Variants in BICD2 observed in about 807,000 individuals in gnomAD.
BICD2 encodes BICD cargo adaptor 2.
BICD2 carries 25 observed loss-of-function variants against 72.9 expected under a neutral mutation model. That is an observed-to-expected ratio of 0.34 (90% CI 0.25 to 0.48). The LOEUF (loss-of-function observed/expected upper bound fraction) is 0.48. Among genes scored for constraint, BICD2 ranks in the 20% least tolerant of loss-of-function variants. BICD2 has a pLI of 0.99. For synonymous variants in BICD2, 501 were observed against 516.1 expected, an observed-to-expected ratio of 0.97 and a Z score of 0.40; for missense variants, 894 against 1,175.2, an observed-to-expected ratio of 0.76 and a Z score of 3.50.
chr9:92,728,770 G>A (rs1200974370), intron 2 of BICD2, among the ~76,000 whole-genome samples: 1 of 152,248 alleles, frequency 6.6e-6, no homozygotes, highest in East Asian at 1.9e-4. Flanking sequence ...ACTTGCTCAT[G>A]GGACTCGCTT....
At chr9:92,762,227 C>T (rs571773214) in intron 1 of BICD2, among the ~76,000 whole-genome samples, 1 of 150,054 alleles carries the variant, frequency 6.7e-6, no homozygotes, top group Non-Finnish European at 1.5e-5. Context: ...CTCCTTAAAT[C>T]TTGTGGTTTT....
At position 92,714,408 on chromosome 9, in the gene BICD2, C is replaced by G; in HGVS notation, c.*746G>C. 1 of 985,518 alleles carries G rather than the reference C, an allele frequency of 1.0e-6. No homozygotes were observed. 61.0% of individuals were successfully genotyped at this position (985,518 alleles called of 1,614,324 possible). A position where few individuals can be genotyped will look rare whatever the true frequency, so the allele number is the denominator to read the frequency against. On this transcript the variant is annotated 3_prime_UTR_variant, in exon 7 of 7. Coordinates refer to ENST00000356884, the MANE Select transcript of BICD2 (RefSeq NM_001003800.2). ...AGCTTTTCTCATGAAAAATGAAAAC[C>G]TGGGGCCTTGGGCCCTGCCAATCTG...
intron 1 of BICD2, among the ~76,000 whole-genome samples, chr9:92,730,471 G>T (rs569895500): frequency 6.6e-6 from 1 of 152,138 alleles, no homozygotes; most frequent in Non-Finnish European, 1.5e-5. Context: ...AACTCATTTC[G>T]TCCCAACAGG....
At chr9:92,754,087 G>C (rs999941965) in intron 1 of BICD2, among the ~76,000 whole-genome samples, 1 of 151,202 alleles carries the variant, frequency 6.6e-6, no homozygotes, top group African/African-American at 2.4e-5. Flanking sequence ...GGAGCTTGCA[G>C]TAAGCCAAGA....
At position 92,759,125 on chromosome 9, in the gene BICD2, C is replaced by T. The variant is rs145808836; in HGVS notation, c.240+5380G>A. ...AAGTACCACAGAACCTCTGGATCCACAGAAACCTTCCTGTCTTTATCTACT... is the reference window on the plus strand; with the variant it reads ...AAGTACCACAGAACCTCTGGATCCATAGAAACCTTCCTGTCTTTATCTACT... On this transcript the variant is annotated intron_variant, in intron 1 of 6. Transcript: ENST00000356884. Among the ~76,000 whole-genome samples, 132 of 152,334 alleles carry T rather than the reference C, an allele frequency of 8.7e-4. 1 individual carries two copies. The highest frequency in any genetic ancestry group is 3.0e-3 in the African/African-American group (123 of 41,570).
intron 1 of BICD2, among the ~76,000 whole-genome samples, chr9:92,729,564 C>T (rs577295960): frequency 5.3e-5 from 8 of 152,332 alleles, no homozygotes; most frequent in Non-Finnish European, 8.8e-5. Flanking sequence ...AGCTGGGGGC[C>T]GGCAGAGGGA....
At chr9:92,735,828 C>G (rs1382716823) in intron 1 of BICD2, among the ~76,000 whole-genome samples, 1 of 152,186 alleles carries the variant, frequency 6.6e-6, no homozygotes, top group Non-Finnish European at 1.5e-5. Context: ...CACTCAGGCC[C>G]TAAGTCTCAT....
chr9:92,729,236 C>G lies in BICD2; in HGVS notation c.241G>C (p.Ala81Pro). 1.2e-6 allele frequency: 2 copies of G among 1,614,006 alleles called. No homozygotes were observed. Among genetic ancestry groups the G allele is most frequent in the Non-Finnish European group, 1.7e-6 (2 of 1,179,992 alleles). Reference protein sequence around the residue: ...IRSEMEQLKEAFGQAHTNHKK... With the variant: ...IRSEMEQLKEPFGQAHTNHKK... ...TGGTTTGTGTGTGCTTGTCCAAAGGCCTGCATCAGAAGACAAGACACTCGT... is the reference window on the plus strand; with the variant it reads ...TGGTTTGTGTGTGCTTGTCCAAAGGGCTGCATCAGAAGACAAGACACTCGT... The change falls in exon 2 of 7, where the codon GCC (alanine) becomes CCC (proline). Residue 81 changes from alanine (A) to proline (P), a missense_variant and splice_region_variant. By Grantham distance (27) the Ala-to-Pro change is conservative. This residue lies in a region of BICD2 where 192 missense variants were observed against 243.6 expected (regional missense o/e 0.79). Coordinates refer to ENST00000356884, the MANE Select transcript of BICD2 (RefSeq NM_001003800.2).
At chr9:92,721,792 T>G (rs1037512291) in intron 3 of BICD2, among the ~76,000 whole-genome samples, 3 of 152,238 alleles carry the variant, frequency 2.0e-5, no homozygotes, top group African/African-American at 7.2e-5. Flanking sequence ...TGCGCTGGGC[T>G]CTGCCAACAG....
At position 92,713,390 on chromosome 9, in the gene BICD2, C is replaced by T. The variant is rs1853231249; in HGVS notation, c.*1764G>A. The T allele has an allele frequency of 2.0e-5, 30 of 1,530,382 alleles. No individual in the cohort carries two copies. In the South Asian group the frequency reaches 2.2e-4, roughly 11 times the overall value. The allele number at this position is 1,530,382 out of a possible 1,614,324, so 94.8% of individuals were successfully genotyped here. On this transcript the variant is annotated 3_prime_UTR_variant, in exon 7 of 7. Coordinates refer to ENST00000356884, the MANE Select transcript of BICD2 (RefSeq NM_001003800.2). ...GCCCTTCCTTCCTCCTTGTGGGCCA[C>T]GAGAGGGAAGGGGAAGGGGCTGCAG...
Position 92,720,265 on chromosome 9 carries a change from G to C in BICD2, c.1062+35C>G. On this transcript the variant is annotated intron_variant, in intron 4 of 6. Transcript: ENST00000356884. This position sits in a 1 kb window ranked among gnomAD's most constrained non-coding sequence, Gnocchi z 5.4. Reference sequence around the variant, plus strand: ...CGGGGAGCCCTGCAGACCTGGAGTGGGGACAGCGTGCCGAAGGCCCCACTG... The same window carrying C: ...CGGGGAGCCCTGCAGACCTGGAGTGCGGACAGCGTGCCGAAGGCCCCACTG... 2 of 1,574,730 alleles carry C rather than the reference G, an allele frequency of 1.3e-6. No individual in the cohort carries two copies. Among genetic ancestry groups the C allele is most frequent in the Non-Finnish European group, 1.7e-6 (2 of 1,160,136 alleles).
At chr9:92,758,530 C>T (rs1344336850) in intron 1 of BICD2, among the ~76,000 whole-genome samples, 3 of 107,016 alleles carry the variant, frequency 2.8e-5, no homozygotes, top group African/African-American at 1.1e-4. Flanking sequence ...CCAGCCTGGG[C>T]AACATAACAA....
chr9:92,748,333 C>CG (rs1215086441), intron 1 of BICD2, among the ~76,000 whole-genome samples: 7 of 152,292 alleles, frequency 4.6e-5, no homozygotes, highest in African/African-American at 1.7e-4. Flanking sequence ...TTCAAACCCC[C>CG]GGGTGTAAAC....
Position 92,719,266 on chromosome 9 carries a change from T to C in BICD2, c.1379A>G (p.His460Arg). The C allele has an allele frequency of 6.2e-7, 1 of 1,613,622 alleles. No individual in the cohort carries two copies. The highest frequency in any genetic ancestry group is 1.1e-5 in the South Asian group (1 of 91,076). The change falls in exon 5 of 7, where the codon CAC becomes CGC. Residue 460 changes from histidine (H) to arginine (R), a missense_variant. Coordinates refer to ENST00000356884, the MANE Select transcript of BICD2 (RefSeq NM_001003800.2). ...REQLKALRSTHEAREAQHAEE... is the reference protein window; with the variant it reads ...REQLKALRSTREAREAQHAEE... Reference sequence around the variant, plus strand: ...GGCGTGCTGGGCCTCACGAGCCTCGTGCGTGCTGCGCAGTGCCTTGAGCTG... The same window carrying C: ...GGCGTGCTGGGCCTCACGAGCCTCGCGCGTGCTGCGCAGTGCCTTGAGCTG...
At chr9:92,733,193 T>G (rs1020244227) in intron 1 of BICD2, among the ~76,000 whole-genome samples, 1 of 152,174 alleles carries the variant, frequency 6.6e-6, no homozygotes, top group African/African-American at 2.4e-5. Context: ...AAACCTCATA[T>G]ATATGGTCAA....
At chr9:92,728,153 T>C (rs537785750) in intron 2 of BICD2, among the ~76,000 whole-genome samples, 1 of 152,266 alleles carries the variant, frequency 6.6e-6, no homozygotes, top group East Asian at 1.9e-4. Context: ...CTACACAGGT[T>C]CCAGGCACCA....
In BICD2 at chr9:92,719,144, G is replaced by A. The variant is rs373224610; in HGVS notation, c.1501C>T (p.Arg501Trp). The change falls in exon 5 of 7, where the codon CGG becomes TGG. Residue 501 changes from arginine (R) to tryptophan (W), a missense_variant. By Grantham distance (101) the Arg-to-Trp change is moderately radical. Coordinates refer to ENST00000356884, the MANE Select transcript of BICD2 (RefSeq NM_001003800.2). ...ASRQDRELLA[R>W]LEKELKKVSD... is the part of the protein sequence containing the mutation. ...ACCTTCTTTAGCTCCTTCTCCAGCC[G>A]GGCCAGCAGCTCGCGGTCCTGGCGG... The A allele has an allele frequency of 3.8e-5, 62 of 1,611,946 alleles. No homozygotes were observed. Among genetic ancestry groups the A allele is most frequent in the African/African-American group, 8.0e-5 (6 of 74,928 alleles).
chr9:92,714,213 C>T lies in BICD2; in HGVS notation c.*941G>A, dbSNP rs1853252334. On this transcript the variant is annotated 3_prime_UTR_variant, in exon 7 of 7. Coordinates refer to ENST00000356884, the MANE Select transcript of BICD2 (RefSeq NM_001003800.2). The stretch of plus-strand genomic sequence containing the variant: ...GGCTCTGGATACACCTGTGGGTGTC[C>T]AACCCAGCCAAGCCCTTGGTGGCTC... 1.0e-6 allele frequency: 1 copy of T among 985,456 alleles called. No homozygotes were observed. The highest frequency in any genetic ancestry group is 1.2e-6 in the Non-Finnish European group (1 of 829,954). 61.0% of individuals were successfully genotyped at this position (985,456 alleles called of 1,614,324 possible).
chr9:92,715,366 T>C lies in BICD2; in HGVS notation c.2356A>G (p.Ile786Val), dbSNP rs1477113907. 1 of 1,613,082 alleles carries C rather than the reference T, an allele frequency of 6.2e-7. No homozygotes were observed. Residue 786 changes from isoleucine to valine, a missense_variant, in exon 7 of 7, where the codon ATC (isoleucine) becomes GTC (valine). By Grantham distance (29) the Ile-to-Val change is conservative. Coordinates refer to ENST00000356884, the MANE Select transcript of BICD2 (RefSeq NM_001003800.2). The stretch of plus-strand genomic sequence containing the variant: ...TGGGTCAGCGCCAGCTTCTGCTGGA[T>C]GGCCATGCGCAGCAGCGAGTTCAGC... ...KTLNSLLRMA[I>V]QQKLALTQRL...
Sources: allele counts gnomAD v4.1 joint callset (sites outside exome capture counted in the v4.1 genomes callset), GRCh38; gene constraint gnomAD v4.1.1; regional missense constraint gnomAD v4.1.1; non-coding constraint Gnocchi (gnomAD v3.1); transcripts MANE v1.5; gene names NCBI Gene and HGNC (gene_info 2026-07-23, HGNC 2026-07-21).